The following EPB41L4A variants were observed in gnomAD, a reference collection of about 807,000 sequenced individuals.
The protein encoded by EPB41L4A is band 4.1-like protein 4A.
In EPB41L4A, 100 loss-of-function variants were observed where a neutral mutation model predicts 108.6. The observed-to-expected ratio is 0.92, with a 90% confidence interval of 0.78 to 1.09. The LOEUF (loss-of-function observed/expected upper bound fraction) is 1.09, where lower values mean the gene tolerates loss of function less well. EPB41L4A is among the 50% of genes least tolerant of loss of function. The pLI, the probability that EPB41L4A is intolerant of heterozygous loss-of-function variation, is 0.00. For missense variants in EPB41L4A, 1,030 were observed against 842.7 expected (o/e 1.22, Z -2.75); for synonymous variants, 319 against 289.0 (o/e 1.10, Z -1.05).
chr5:112,338,840 C>T (rs1422639115), intron 1 of EPB41L4A, among the ~76,000 whole-genome samples: 2 of 152,138 alleles, frequency 1.3e-5, no homozygotes, highest in Middle Eastern at 3.2e-3. Flanking sequence ...CAACAGAGAC[C>T]TAATGGCCCA....
At chr5:112,297,342 G>T (rs1406345077) in intron 2 of EPB41L4A, among the ~76,000 whole-genome samples, 1 of 152,108 alleles carries the variant, frequency 6.6e-6, no homozygotes. Flanking sequence ...TCTTGCAGGG[G>T]TAAGGTGGTA....
At chr5:112,390,128 C>G (rs1171998515) in intron 1 of EPB41L4A, among the ~76,000 whole-genome samples, 1 of 152,178 alleles carries the variant, frequency 6.6e-6, no homozygotes, top group Non-Finnish European at 1.5e-5. Context: ...CCAGCGTGAT[C>G]GACACAGAAG....
At chr5:112,417,718 T>C (rs1296526257) in intron 1 of EPB41L4A, among the ~76,000 whole-genome samples, 2 of 152,138 alleles carry the variant, frequency 1.3e-5, no homozygotes, top group Non-Finnish European at 2.9e-5. Context: ...CTCAGTATAA[T>C]TACTGGGGAA....
chr5:112,377,491 A>T (rs1342740316), intron 1 of EPB41L4A, among the ~76,000 whole-genome samples: 2 of 152,158 alleles, frequency 1.3e-5, no homozygotes, highest in Non-Finnish European at 2.9e-5. Flanking sequence ...AGTACTTGGA[A>T]GTGACCTTTA....
chr5:112,240,412 C>A (rs1749685673), intron 10 of EPB41L4A, among the ~76,000 whole-genome samples: 1 of 152,228 alleles, frequency 6.6e-6, no homozygotes, highest in Admixed American at 6.5e-5. Flanking sequence ...TCCATTTCCA[C>A]CAATACTACA....
chr5:112,162,603 G>C (rs1202096937), downstream of EPB41L4A: 1 of 152,170 alleles, frequency 6.6e-6, no homozygotes. Context: ...TGCTTTGCAG[G>C]AAACGACAAA....
At chr5:112,199,036 G>A (rs1762096398) in intron 15 of EPB41L4A, among the ~76,000 whole-genome samples, 1 of 152,092 alleles carries the variant, frequency 6.6e-6, no homozygotes, top group South Asian at 2.1e-4. Flanking sequence ...AATGACTGGA[G>A]CCCTTTGGAT....
At chr5:112,156,369 C>A (rs1371191958) in intron 12 of EPB41L4A, among the ~76,000 whole-genome samples, 1 of 152,080 alleles carries the variant, frequency 6.6e-6, no homozygotes, top group Non-Finnish European at 1.5e-5. Flanking sequence ...CCCAAGAAGG[C>A]CAGTGGTATA....
intron 15 of EPB41L4A, among the ~76,000 whole-genome samples, chr5:112,197,441 C>A (rs1452852661): frequency 6.6e-6 from 1 of 152,154 alleles, no homozygotes; most frequent in African/African-American, 2.4e-5. Context: ...ATTTTGGGGT[C>A]ACTATTTAGC....
intron 18 of EPB41L4A, among the ~76,000 whole-genome samples, chr5:112,181,727 GT>G (rs1761167014): frequency 6.6e-6 from 1 of 152,178 alleles, no homozygotes; most frequent in Admixed American, 6.5e-5. Flanking sequence ...AGTATATATT[GT>G]GTTATTACAT....
intron 10 of EPB41L4A, among the ~76,000 whole-genome samples, 162 bp downstream of exon 10, chr5:112,240,557 T>C (rs560722769): frequency 3.3e-5 from 5 of 152,368 alleles, no homozygotes; most frequent in African/African-American, 1.2e-4. Flanking sequence ...CATACATGAA[T>C]GTGTGCATGT....
intron 2 of EPB41L4A, among the ~76,000 whole-genome samples, chr5:112,306,592 G>C (rs1056754488): frequency 5.3e-5 from 8 of 152,128 alleles, no homozygotes; most frequent in African/African-American, 1.7e-4. Context: ...TTCAACAGCA[G>C]TTGAGTAGGA....
At chr5:112,260,487 G>A (rs547954742) in intron 7 of EPB41L4A, among the ~76,000 whole-genome samples, 5 of 152,274 alleles carry the variant, frequency 3.3e-5, no homozygotes, top group South Asian at 4.1e-4. Context: ...ATTTATCTCC[G>A]ATGCGGACAA....
chr5:112,393,893 A>G (rs530570979), intron 1 of EPB41L4A, among the ~76,000 whole-genome samples: 1 of 152,138 alleles, frequency 6.6e-6, no homozygotes, highest in African/African-American at 2.4e-5. Flanking sequence ...TTATCCACCA[A>G]GATCAAGTTG....
chr5:112,341,452 G>A (rs1757311576), intron 1 of EPB41L4A, among the ~76,000 whole-genome samples: 1 of 152,156 alleles, frequency 6.6e-6, no homozygotes, highest in East Asian at 1.9e-4. Flanking sequence ...ATCATCAAAT[G>A]TAGCTTTAAA....
At chr5:112,391,217 A>G (rs1760913852) in intron 1 of EPB41L4A, among the ~76,000 whole-genome samples, 1 of 152,206 alleles carries the variant, frequency 6.6e-6, no homozygotes, top group African/African-American at 2.4e-5. Flanking sequence ...CTGGACAGAG[A>G]ATGACTTTGA....
At chr5:112,190,593 G>T (rs1478690292) in intron 17 of EPB41L4A, among the ~76,000 whole-genome samples, 1 of 152,182 alleles carries the variant, frequency 6.6e-6, no homozygotes, top group Non-Finnish European at 1.5e-5. Context: ...AGTAACTCTG[G>T]AAGTGGGTAT....
At chr5:112,418,702 G>C (rs1009740672) in intron 1 of EPB41L4A, among the ~76,000 whole-genome samples, 3 of 152,134 alleles carry the variant, frequency 2.0e-5, no homozygotes, top group African/African-American at 7.2e-5. Flanking sequence ...GCTGCTGGGA[G>C]CCGGTGTGCT....
At position 112,378,225 on chromosome 5, in the gene EPB41L4A, C is replaced by T. The variant is rs6879436; in HGVS notation, c.99+40716G>A. Among the ~76,000 whole-genome samples, 472 of 151,500 alleles carry T rather than the reference C, an allele frequency of 3.1e-3. 6 individuals carry two copies. The highest frequency in any genetic ancestry group is 0.011 in the African/African-American group (453 of 41,502). On this transcript the variant is annotated intron_variant, in intron 1 of 22. Transcript: ENST00000261486. The stretch of plus-strand genomic sequence containing the variant: ...TCCCAGCCTCTGTCAGGCCACACTA[C>T]CATCTGCATCCTATCTTGGTAAAAA...
Sources: gnomAD v4.1 joint callset for allele counts (sites outside exome capture counted in the v4.1 genomes callset) on GRCh38, gnomAD v4.1.1 for gene constraint, MANE v1.5 for transcripts, NCBI Gene and HGNC (gene_info 2026-07-23, HGNC 2026-07-21) for gene names.